The following PUM2 variants were observed in gnomAD, a reference collection of about 807,000 sequenced individuals.
The protein encoded by PUM2 is pumilio homolog 2.
A neutral mutation model predicts 124.5 loss-of-function variants in PUM2; 57 were observed. That is an observed-to-expected ratio of 0.46 (90% CI 0.37 to 0.57). PUM2 has a LOEUF of 0.57. Ranked by LOEUF, PUM2 falls within the 20% of genes least tolerant of loss-of-function variation. The probability of loss-of-function intolerance (pLI) is 0.00; values close to 1 mark genes in which losing one functional copy is unlikely to be tolerated. For missense variants in PUM2, 1,065 were observed against 1,290.6 expected, an observed-to-expected ratio of 0.83 and a Z score of 2.68; for synonymous variants, 460 against 446.1, an observed-to-expected ratio of 1.03 and a Z score of -0.39.
intron 2 of PUM2, among the ~76,000 whole-genome samples, chr2:20,322,639 C>CA (rs960327489): frequency 1.3e-5 from 2 of 151,608 alleles, no homozygotes; most frequent in African/African-American, 2.4e-5. Flanking sequence ...AATGTCTCTA[C>CA]AAAAAATATA....
At chr2:20,351,068 C>T (rs1026257948), upstream of PUM2, among the ~76,000 whole-genome samples, 2 of 152,190 alleles carry the variant, frequency 1.3e-5, no homozygotes, top group South Asian at 2.1e-4. Flanking sequence ...GCGCTTCCCT[C>T]CTGGGCTCCG....
chr2:20,314,324 A>T (rs765262041), intron 3 of PUM2, among the ~76,000 whole-genome samples: 2 of 149,312 alleles, frequency 1.3e-5, no homozygotes, highest in Non-Finnish European at 2.9e-5. Context: ...ATTCTTGGTT[A>T]AAAAAAAACT....
chr2:20,308,261 C>G, intron 6 of PUM2, 53 bp downstream of exon 6: 2 of 1,572,796 alleles, frequency 1.3e-6, no homozygotes, highest in Non-Finnish European at 1.7e-6. Flanking sequence ...GCACTTCAGG[C>G]TAAACCAGTA....
intron 18 of PUM2, 110 bp downstream of exon 18, chr2:20,255,106 T>G (rs1251122091): frequency 3.4e-6 from 5 of 1,462,204 alleles, no homozygotes; most frequent in Non-Finnish European, 3.7e-6. Context: ...ACAACAGCCT[T>G]TTGTCTCACT....
At chr2:20,349,387 A>G (rs1265111470) in intron 1 of PUM2, among the ~76,000 whole-genome samples, 1 of 152,236 alleles carries the variant, frequency 6.6e-6, no homozygotes, top group Non-Finnish European at 1.5e-5. Context: ...TTCACCAAAA[A>G]TCGGAATTTT....
intron 12 of PUM2, among the ~76,000 whole-genome samples, chr2:20,279,982 T>C (rs570776428): frequency 1.9e-4 from 29 of 152,310 alleles, no homozygotes; most frequent in African/African-American, 6.0e-4. Context: ...ACAAGCTCTA[T>C]ATTCGGACCA....
At chr2:20,253,645 A>G (rs1360333222) in intron 20 of PUM2, among the ~76,000 whole-genome samples, 177 bp downstream of exon 20, 1 of 152,028 alleles carries the variant, frequency 6.6e-6, no homozygotes, top group Non-Finnish European at 1.5e-5. Context: ...ATGCCTGGCC[A>G]TGATAACCTT....
chr2:20,329,828 T>C lies in PUM2; in HGVS notation c.-18-2450A>G, dbSNP rs534637089. 5.6e-3 allele frequency among the ~76,000 whole-genome samples: 856 copies of C among 152,294 alleles called. 3 individuals carry two copies. The highest frequency in any genetic ancestry group is 8.9e-3 in the Admixed American group (136 of 15,300). ...TGGGTGTTACAAGAATGACCTAATGTGTATAATTTTCACAGGAACAATACC... is the reference window on the plus strand; with the variant it reads ...TGGGTGTTACAAGAATGACCTAATGCGTATAATTTTCACAGGAACAATACC... On this transcript the variant is annotated intron_variant, in intron 1 of 20. Transcript: ENST00000361078.
At chr2:20,287,169 CTTCAGA>C (rs1672942158) in intron 10 of PUM2, among the ~76,000 whole-genome samples, 2 of 152,220 alleles carry the variant, frequency 1.3e-5, no homozygotes, top group Non-Finnish European at 2.9e-5. Context: ...AACAACTTCC[CTTCAGA>C]GAAACAAAAC....
In PUM2 at chr2:20,251,406, C is replaced by T; in HGVS notation, c.*179G>A. 1 of 683,308 alleles carries T rather than the reference C, an allele frequency of 1.5e-6. No homozygotes were observed. Among genetic ancestry groups the T allele is most frequent in the Non-Finnish European group, 2.3e-6 (1 of 438,924 alleles). 42.3% of individuals were successfully genotyped at this position (683,308 alleles called of 1,614,324 possible). On this transcript the variant is annotated 3_prime_UTR_variant, in exon 21 of 21. Transcript: ENST00000361078. Reference sequence around the variant, plus strand: ...CTGAATATAATTTATAATTCATCCCCCACCCCCCAAATATACACAAGAACC... The same window carrying T: ...CTGAATATAATTTATAATTCATCCCTCACCCCCCAAATATACACAAGAACC...
chr2:20,266,423 C>CA (rs1321882840), intron 13 of PUM2, among the ~76,000 whole-genome samples: 1 of 149,316 alleles, frequency 6.7e-6, no homozygotes, highest in African/African-American at 2.5e-5. Context: ...CCAGCCTGGA[C>CA]AACAGAGCAA....
intron 1 of PUM2, among the ~76,000 whole-genome samples, chr2:20,340,908 A>C (rs1687095704): frequency 6.6e-6 from 1 of 152,236 alleles, no homozygotes; most frequent in Admixed American, 6.5e-5. Context: ...TGCCTCCCTC[A>C]TAGGGCTGTT....
intron 15 of PUM2, among the ~76,000 whole-genome samples, chr2:20,258,725 T>C (rs1356420257): frequency 7.1e-6 from 1 of 141,192 alleles, no homozygotes; most frequent in Non-Finnish European, 1.5e-5. Flanking sequence ...CGGACTGCAG[T>C]GGCACAATCT....
chr2:20,257,043 C>CAAAAAAAAAAAAAAA (rs58072146), intron 16 of PUM2, among the ~76,000 whole-genome samples: 9 of 71,798 alleles, frequency 1.3e-4, no homozygotes, highest in African/African-American at 4.8e-4. Context: ...GATTCCGTCT[C>CAAAAAAAAAAAAAAA]AAAAAAAAAA....
At chr2:20,304,494 G>A (rs1413202224) in intron 7 of PUM2, among the ~76,000 whole-genome samples, 3 of 152,120 alleles carry the variant, frequency 2.0e-5, no homozygotes, top group African/African-American at 7.2e-5. Context: ...TCCTATTTCA[G>A]CACCCATAAG....
intron 5 of PUM2, among the ~76,000 whole-genome samples, chr2:20,310,450 T>C (rs939508341): frequency 9.9e-5 from 15 of 152,084 alleles, no homozygotes; most frequent in Non-Finnish European, 2.2e-4. Flanking sequence ...TATAAATGTA[T>C]ACTCTGAAGG....
chr2:20,267,777 G>C (rs1668050314), intron 13 of PUM2, among the ~76,000 whole-genome samples: 1 of 152,130 alleles, frequency 6.6e-6, no homozygotes, highest in Non-Finnish European at 1.5e-5. Context: ...AGACCCTTAG[G>C]CCAGAGCTTA....
chr2:20,265,570 CT>C (rs1361873163), intron 13 of PUM2, among the ~76,000 whole-genome samples: 1 of 152,154 alleles, frequency 6.6e-6, no homozygotes, highest in East Asian at 1.9e-4. Flanking sequence ...GGCAGGGGTG[CT>C]TTGCTTATCA....
Sources: allele counts gnomAD v4.1 joint callset (sites outside exome capture counted in the v4.1 genomes callset), GRCh38; gene constraint gnomAD v4.1.1; transcripts MANE v1.5; gene names NCBI Gene and HGNC (gene_info 2026-07-23, HGNC 2026-07-21).